The following HEXA variants were observed in gnomAD, a reference collection of about 807,000 sequenced individuals.
HEXA encodes hexosaminidase subunit alpha.
Under a neutral mutation model 73.3 loss-of-function variants are expected in HEXA, and 54 were observed. That is an observed-to-expected ratio of 0.74 (90% CI 0.59 to 0.92). The LOEUF (loss-of-function observed/expected upper bound fraction) is 0.92, where lower values mean the gene tolerates loss of function less well. HEXA is among the 40% of genes least tolerant of loss of function. The probability of loss-of-function intolerance (pLI) is 0.00; values close to 1 mark genes in which losing one functional copy is unlikely to be tolerated. For synonymous variants in HEXA, 230 were observed against 246.9 expected, an observed-to-expected ratio of 0.93 and a Z score of 0.64; for missense variants, 649 against 653.0, an observed-to-expected ratio of 0.99 and a Z score of 0.07.
chr15:72,361,197 T>C (rs2088849084), intron 1 of HEXA, among the ~76,000 whole-genome samples: 1 of 152,224 alleles, frequency 6.6e-6, no homozygotes, highest in African/African-American at 2.4e-5. Flanking sequence ...GTCAGAGAGC[T>C]AATAGAAACC....
intron 1 of HEXA, chr15:72,359,351 A>G (rs1567301861): frequency 6.6e-6 from 1 of 151,548 alleles, no homozygotes; most frequent in Non-Finnish European, 1.5e-5. Context: ...ATGTAAACCT[A>G]CTCTTCTCTT....
intron 4 of HEXA, 49 bp from the exon 5 acceptor site, chr15:72,353,227 T>C: frequency 1.8e-6 from 2 of 1,095,122 alleles, no homozygotes; most frequent in South Asian, 1.3e-5. Context: ...AAGCTTACTA[T>C]GGGGGCACAG....
At chr15:72,373,902 G>C (rs1223131215) in intron 1 of HEXA, among the ~76,000 whole-genome samples, 3 of 151,970 alleles carry the variant, frequency 2.0e-5, no homozygotes, top group Non-Finnish European at 4.4e-5. Context: ...GGGAGGCTGA[G>C]GCAGGAGAAT....
chr15:72,349,239 G>A lies in HEXA; in HGVS notation c.826C>T (p.Pro276Ser), dbSNP rs773093433. The A allele has an allele frequency of 6.8e-6, 11 of 1,613,980 alleles. No homozygotes were observed. The Admixed American group carries it at 1.8e-4, about 27-fold the overall frequency. The change falls in exon 8 of 14, where the codon CCT becomes TCT. Residue 276 changes from proline (P) to serine (S), a missense_variant. Coordinates refer to ENST00000268097, the MANE Select transcript of HEXA (RefSeq NM_000520.6). ...GAGGGCTCAGACCCAGAGTAGCAAG[G>A]AGTCAGTAATCCAGGGATACCTAAG... ...WGPGIPGLLT[P>S]CYSGSEPSGT... is the part of the protein sequence containing the mutation.
intron 3 of HEXA, 48 bp downstream of exon 3, chr15:72,355,511 C>A: frequency 3.7e-6 from 5 of 1,354,220 alleles, no homozygotes; most frequent in Non-Finnish European, 5.3e-6. Flanking sequence ...CACCAACCTT[C>A]CCACATCATC....
chr15:72,361,165 AAAACAGAC>A (rs2088848448), intron 1 of HEXA, among the ~76,000 whole-genome samples: 1 of 152,226 alleles, frequency 6.6e-6, no homozygotes. Context: ...AGCAGTGGTC[AAAACAGAC>A]AAAAATCCCA....
rs1365750130 is a variant in HEXA, at chr15:72,355,598, A to C, written c.373T>G (p.Cys125Gly). The C allele has an allele frequency of 1.2e-6, 2 of 1,611,568 alleles. No individual in the cohort carries two copies. Among genetic ancestry groups the C allele is most frequent in the Admixed American group, 3.3e-5 (2 of 59,990 alleles). Residue 125 changes from cysteine (C) to glycine (G), a missense_variant, in exon 3 of 14, where the codon TGT (cysteine) becomes GGT (glycine). Coordinates refer to ENST00000268097, the MANE Select transcript of HEXA (RefSeq NM_000520.6). ...CAGACAGTCTCAGAGAGGAGTAAAC[A>C]CTGGTCATCATTTATGGTCAGGGTA... The part of the protein sequence containing the change: ...NYTLTINDDQ[C>G]LLLSETVWGA...
intron 1 of HEXA, among the ~76,000 whole-genome samples, chr15:72,367,308 C>G (rs1460748500): frequency 6.6e-6 from 1 of 152,116 alleles, no homozygotes; most frequent in Non-Finnish European, 1.5e-5. Flanking sequence ...AATGGCAGCA[C>G]GAGTGAATGA....
intron 12 of HEXA, 191 bp downstream of exon 12, chr15:72,346,044 G>A (rs2088607863): frequency 4.8e-6 from 3 of 620,122 alleles, no homozygotes; most frequent in South Asian, 3.9e-5. Context: ...GGCAGCTGGA[G>A]GGATATAGAC....
intron 1 of HEXA, among the ~76,000 whole-genome samples, chr15:72,364,245 C>T (rs368133965): frequency 1.1e-4 from 17 of 152,018 alleles, no homozygotes; most frequent in African/African-American, 4.1e-4. Flanking sequence ...GCACTCTAGC[C>T]TTGGTGACAG....
intron 13 of HEXA, 44 bp downstream of exon 13, chr15:72,345,402 G>A (rs2140319484): frequency 1.2e-6 from 2 of 1,612,938 alleles, no homozygotes; most frequent in Non-Finnish European, 1.7e-6. Context: ...CCCAGCCCTG[G>A]ATCTGGCCTG....
chr15:72,351,489 C>A, intron 5 of HEXA: 1 of 562,528 alleles, frequency 1.8e-6, no homozygotes, highest in Admixed American at 3.0e-5. Context: ...CTTTCCTCTT[C>A]TTGAAATAAA....
At chr15:72,354,850 CAGA>C (rs2088752227) in intron 3 of HEXA, 2 of 152,578 alleles carry the variant, frequency 1.3e-5, no homozygotes, top group African/African-American at 4.8e-5. Context: ...TCAGTAAACC[CAGA>C]AGAAGGGCAA....
At chr15:72,367,179 G>A (rs1021978944) in intron 1 of HEXA, among the ~76,000 whole-genome samples, 4 of 152,104 alleles carry the variant, frequency 2.6e-5, no homozygotes, top group Admixed American at 1.3e-4. Flanking sequence ...TCGACCTCAG[G>A]TAATCCACCT....
chr15:72,374,057 A>G (rs143665488), intron 1 of HEXA, among the ~76,000 whole-genome samples: 1 of 150,666 alleles, frequency 6.6e-6, no homozygotes, highest in Non-Finnish European at 1.5e-5. Flanking sequence ...ATACAATAGT[A>G]GGAAACAACC....
intron 13 of HEXA, among the ~76,000 whole-genome samples, chr15:72,345,065 C>T (rs1180491564): frequency 6.6e-6 from 1 of 152,176 alleles, no homozygotes; most frequent in Non-Finnish European, 1.5e-5. Flanking sequence ...TCAGTATCCA[C>T]AGGGGATTTG....
chr15:72,347,280 T>G (rs908505815), intron 10 of HEXA, among the ~76,000 whole-genome samples: 2 of 147,704 alleles, frequency 1.4e-5, no homozygotes, highest in Non-Finnish European at 3.0e-5. Context: ...ACAGCGGCCT[T>G]TGGTTTTTTT....
chr15:72,349,193 T>C lies in HEXA; in HGVS notation c.872A>G (p.Asn291Ser), dbSNP rs1317320128. 1 of 1,613,936 alleles carries C rather than the reference T, an allele frequency of 6.2e-7. No individual in the cohort carries two copies. The highest frequency in any genetic ancestry group is 1.1e-5 in the South Asian group (1 of 91,080). ...CTCATAGGTATTATTGAGACTGGGA[T>C]TCACTGGTCCAAAGGTGCCAGAGGG... Reference protein sequence around the residue: ...SEPSGTFGPVNPSLNNTYEFM... With the variant: ...SEPSGTFGPVSPSLNNTYEFM... The change falls in exon 8 of 14, where the codon AAT becomes AGT. Residue 291 changes from asparagine (N) to serine (S), a missense_variant. Asn to Ser is a conservative substitution (Grantham distance 46, BLOSUM62 1). Coordinates refer to ENST00000268097, the MANE Select transcript of HEXA (RefSeq NM_000520.6).
At chr15:72,357,771 T>G (rs910051162) in intron 1 of HEXA, 22 of 152,154 alleles carry the variant, frequency 1.4e-4, no homozygotes, top group African/African-American at 4.8e-4. Flanking sequence ...CACGGAAGCC[T>G]GCTCAGACCT....
Sources: allele counts gnomAD v4.1 joint callset (sites outside exome capture counted in the v4.1 genomes callset), GRCh38; gene constraint gnomAD v4.1.1; transcripts MANE v1.5; gene names NCBI Gene and HGNC (gene_info 2026-07-23, HGNC 2026-07-21).